Variants in GRIA2 observed in about 807,000 individuals in gnomAD.
GRIA2 encodes glutamate ionotropic receptor AMPA type subunit 2.
A neutral mutation model predicts 97.3 loss-of-function variants in GRIA2; 14 were observed. The observed-to-expected ratio is 0.14, with a 90% CI of 0.10 to 0.23. GRIA2 has a LOEUF of 0.23. Among genes scored for constraint, GRIA2 ranks in the 10% least tolerant of loss-of-function variants. The probability of loss-of-function intolerance (pLI) is 1.00; values close to 1 mark genes in which losing one functional copy is unlikely to be tolerated. For synonymous variants in GRIA2, 412 were observed against 387.8 expected, an observed-to-expected ratio of 1.06 and a Z score of -0.73; for missense variants, 558 against 1,069.8, an observed-to-expected ratio of 0.52 and a Z score of 6.67.
chr4:157,236,399 T>G (rs1484799592), intron 2 of GRIA2, among the ~76,000 whole-genome samples: 1 of 152,146 alleles, frequency 6.6e-6, no homozygotes, highest in African/African-American at 2.4e-5. Flanking sequence ...GATTGTTTTC[T>G]TCTTAACATA....
At chr4:157,303,443 A>G in intron 2 of GRIA2, 109 bp from the exon 3 acceptor site, 1 of 823,392 alleles carries the variant, frequency 1.2e-6, no homozygotes, top group Non-Finnish European at 1.9e-6. Flanking sequence ...ATTTCTTTCA[A>G]TATGTTAATT....
chr4:157,221,407 G>T (rs1471223799), intron 1 of GRIA2: 3 of 565,770 alleles, frequency 5.3e-6, no homozygotes, highest in Non-Finnish European at 6.2e-6. Flanking sequence ...GATTTTCTTG[G>T]GGTCTGAATG....
chr4:157,344,963 C>A (rs575800506), intron 12 of GRIA2, among the ~76,000 whole-genome samples: 18 of 152,080 alleles, frequency 1.2e-4, no homozygotes, highest in African/African-American at 4.3e-4. Flanking sequence ...AAAGTATATT[C>A]TTGTTGAGAT....
rs1736858989 is a variant in GRIA2, at chr4:157,365,771, A to G, written c.*2340A>G. 6.6e-6 allele frequency: 1 copy of G among 151,928 alleles called. No homozygotes were observed. Among genetic ancestry groups the G allele is most frequent in the South Asian group, 2.1e-4 (1 of 4,828 alleles). 9.4% of individuals were successfully genotyped at this position (151,928 alleles called of 1,614,324 possible). On this transcript the variant is annotated 3_prime_UTR_variant, in exon 16 of 16. Transcript: ENST00000264426. The stretch of plus-strand genomic sequence containing the variant: ...AAGGTTTTTTTATTCATTTTATATA[A>G]AAACTGTTATGGAAAGACCAAAATG...
intron 15 of GRIA2, 129 bp downstream of exon 15, chr4:157,363,176 T>C: frequency 9.6e-7 from 1 of 1,037,534 alleles, no homozygotes; most frequent in Non-Finnish European, 1.4e-6. Context: ...TCTTCCATGT[T>C]CCCAGTTGGT....
intron 2 of GRIA2, among the ~76,000 whole-genome samples, chr4:157,223,825 A>G (rs1017812825): frequency 1.3e-5 from 2 of 152,244 alleles, no homozygotes; most frequent in African/African-American, 2.4e-5. Context: ...CAAAAATAAC[A>G]TATGTCCATT....
At chr4:157,256,071 A>G (rs1003045787) in intron 2 of GRIA2, among the ~76,000 whole-genome samples, 7 of 146,942 alleles carry the variant, frequency 4.8e-5, no homozygotes, top group South Asian at 2.1e-4. Flanking sequence ...TGTGTAATAC[A>G]TATCTATAGG....
rs766525406 is a variant in GRIA2 at position 157,274,030 on chromosome 4, C to G, written c.230-29522C>G. Reference sequence around the variant, plus strand: ...ATAAAAGAATTATATCTGACTTACCCTCAGAAACCATGTAAACAAGAGGAG... The same window carrying G: ...ATAAAAGAATTATATCTGACTTACCGTCAGAAACCATGTAAACAAGAGGAG... On this transcript the variant is annotated intron_variant, in intron 2 of 15. Transcript: ENST00000264426. Among the ~76,000 whole-genome samples the G allele has an allele frequency of 2.1e-3, 327 of 152,130 alleles. 11 individuals carry two copies. The highest frequency in any genetic ancestry group is 5.6e-4 in the Non-Finnish European group (38 of 67,978).
In GRIA2 at chr4:157,252,965, A is replaced by G. The variant is rs1731080041; in HGVS notation, c.229+31158A>G. 2.6e-5 allele frequency among the ~76,000 whole-genome samples: 4 copies of G among 152,226 alleles called. No individual in the cohort carries two copies. In the South Asian group the frequency reaches 8.3e-4, roughly 32 times the overall value. On this transcript the variant is annotated intron_variant, in intron 2 of 15. Transcript: ENST00000264426. ...ACCCAACTGTCTTTAAAAAAGAAAAAGAGATTTGCAGAAATAAAAGCAGTG... is the reference window on the plus strand; with the variant it reads ...ACCCAACTGTCTTTAAAAAAGAAAAGGAGATTTGCAGAAATAAAAGCAGTG...
intron 2 of GRIA2, among the ~76,000 whole-genome samples, chr4:157,222,189 C>A (rs1035703324): frequency 6.6e-6 from 1 of 152,118 alleles, no homozygotes; most frequent in Non-Finnish European, 1.5e-5. Context: ...ACAGAGAACA[C>A]GTTGTTCCCC....
At chr4:157,223,699 A>T (rs1252744278) in intron 2 of GRIA2, among the ~76,000 whole-genome samples, 3 of 152,216 alleles carry the variant, frequency 2.0e-5, no homozygotes, top group African/African-American at 7.2e-5. Flanking sequence ...GGCTGTGGGT[A>T]TAGGAAGGAC....
At chr4:157,342,498 T>C in intron 12 of GRIA2, 1 of 974,702 alleles carries the variant, frequency 1.0e-6, no homozygotes, top group Non-Finnish European at 1.2e-6. Flanking sequence ...AGTGCAAAAA[T>C]GTGGACCATC....
At chr4:157,252,867 C>G (rs1178198653) in intron 2 of GRIA2, among the ~76,000 whole-genome samples, 4 of 152,004 alleles carry the variant, frequency 2.6e-5, no homozygotes, top group Non-Finnish European at 5.9e-5. Flanking sequence ...ACAAAATACT[C>G]TCTACATTTA....
Position 157,221,678 on chromosome 4 carries a change from C to G in GRIA2, c.100C>G (p.Pro34Ala). ...SNSIQIGGLF[P>A]RGADQEYSAF... ...TTTGTTCTTTGCAGGGGGGCTATTT[C>G]CTAGGGGCGCCGATCAAGAATACAG... The change falls in exon 2 of 16, where the codon CCT (proline) becomes GCT (alanine). Residue 34 changes from proline to alanine, a missense_variant. By Grantham distance (27) the Pro-to-Ala change is conservative. Around this residue, in one of 8 missense-constraint regions of GRIA2, gnomAD observed 96 missense variants for 176.6 expected, o/e 0.54. Coordinates refer to ENST00000264426, the MANE Select transcript of GRIA2 (RefSeq NM_001083619.3). The G allele has an allele frequency of 2.5e-6, 4 of 1,614,066 alleles. No individual in the cohort carries two copies. The highest frequency in any genetic ancestry group is 3.4e-6 in the Non-Finnish European group (4 of 1,179,970).
intron 6 of GRIA2, among the ~76,000 whole-genome samples, chr4:157,325,927 A>G (rs1315580466): frequency 6.6e-6 from 1 of 152,086 alleles, no homozygotes; most frequent in East Asian, 1.9e-4. Flanking sequence ...CTTTTAGAGT[A>G]TAAATAGATT....
chr4:157,284,446 A>T (rs752168172), intron 2 of GRIA2, among the ~76,000 whole-genome samples: 2 of 151,368 alleles, frequency 1.3e-5, no homozygotes, highest in African/African-American at 4.8e-5. Flanking sequence ...TATTCATTCA[A>T]ATCATTTTAT....
At chr4:157,304,708 G>A (rs937475836) in intron 3 of GRIA2, among the ~76,000 whole-genome samples, 9 of 152,108 alleles carry the variant, frequency 5.9e-5, no homozygotes, top group Non-Finnish European at 1.3e-4. Context: ...CTTGCTTCCT[G>A]GAATATTTGT....
At chr4:157,333,130 G>C (rs1200565417) in intron 7 of GRIA2, 119 bp from the exon 8 acceptor site, 1 of 906,528 alleles carries the variant, frequency 1.1e-6, no homozygotes, top group Non-Finnish European at 1.7e-6. Context: ...AGGTTGAAGA[G>C]AGAAACAAAT....
chr4:157,225,792 G>T (rs756128139), intron 2 of GRIA2, among the ~76,000 whole-genome samples: 2 of 151,566 alleles, frequency 1.3e-5, no homozygotes, highest in Non-Finnish European at 3.0e-5. Flanking sequence ...GTTTAATACA[G>T]CAACTAAAAA....
Sources: allele counts gnomAD v4.1 joint callset (sites outside exome capture counted in the v4.1 genomes callset), GRCh38; gene constraint gnomAD v4.1.1; regional missense constraint gnomAD v4.1.1; transcripts MANE v1.5; gene names NCBI Gene and HGNC (gene_info 2026-07-23, HGNC 2026-07-21).